Variants in REXO1 observed in about 807,000 individuals in gnomAD.
REXO1 encodes REX1, RNA exonuclease 1 homolog.
In REXO1, 42 loss-of-function variants were observed where a neutral mutation model predicts 102.6. That is an observed-to-expected ratio of 0.41 (90% CI 0.32 to 0.53). REXO1 has a LOEUF of 0.53. Among genes scored for constraint, REXO1 ranks in the 20% least tolerant of loss-of-function variants. The probability of loss-of-function intolerance (pLI) is 0.27; values close to 1 mark genes in which losing one functional copy is unlikely to be tolerated. For synonymous variants in REXO1, 908 were observed against 779.1 expected (o/e 1.17, Z -2.76); for missense variants, 1,819 against 1,732.5 (o/e 1.05, Z -0.89).
intron 1 of REXO1, among the ~76,000 whole-genome samples, chr19:1,833,499 C>A (rs547970525): frequency 3.1e-4 from 47 of 152,356 alleles, no homozygotes; most frequent in African/African-American, 1.1e-3. Flanking sequence ...GGGCACCCAA[C>A]TAGGATCAGC....
intron 1 of REXO1, among the ~76,000 whole-genome samples, chr19:1,841,611 C>G (rs2011284369): frequency 6.6e-6 from 1 of 152,214 alleles, no homozygotes; most frequent in Non-Finnish European, 1.5e-5. Flanking sequence ...AAGCAAGACG[C>G]CTTCATTCCG....
Position 1,828,102 on chromosome 19 carries a change from G to A in REXO1, c.687C>T (p.Pro229=), listed in dbSNP as rs1308632685. The change falls in exon 2 of 16, where the codon CCC becomes CCT. Residue 229 remains proline, a synonymous_variant. Transcript: ENST00000170168. ...AGAGAGGGTCATACTCCAGGTCTGT[G>A]GGTGGCCTGGAGTTGTCCACCACGT... is the stretch of plus-strand genomic sequence containing the variant. The part of the protein sequence containing the change: ...GKYVVDNSRP[P]TDLEYDPLSN... 1.9e-6 allele frequency: 3 copies of A among 1,613,062 alleles called. No homozygotes were observed. Among genetic ancestry groups the A allele is most frequent in the East Asian group, 2.2e-5 (1 of 44,860 alleles).
chr19:1,843,174 G>T (rs940646154), intron 1 of REXO1, among the ~76,000 whole-genome samples: 1 of 146,206 alleles, frequency 6.8e-6, no homozygotes, highest in South Asian at 2.2e-4. Flanking sequence ...GCCCAGAGCC[G>T]CAGCTGGGCG....
At chr19:1,823,986 C>A (rs1350928891) in intron 3 of REXO1, 3 of 395,484 alleles carry the variant, frequency 7.6e-6, no homozygotes, top group Non-Finnish European at 1.3e-5. Flanking sequence ...CAGGCTCCCC[C>A]ACTCCCAGTG....
rs764314511 is a variant in REXO1, at chr19:1,827,326, G to T, written c.1463C>A (p.Pro488Gln). 1.3e-6 allele frequency: 2 copies of T among 1,558,238 alleles called. No homozygotes were observed. The highest frequency in any genetic ancestry group is 1.1e-5 in the South Asian group (1 of 87,102). Reference sequence around the variant, plus strand: ...TTTCCGCTCCACTAGCTTCCCCGACGGGGCCTTGGTGCTCTTCCTGTCGGG... The same window carrying T: ...TTTCCGCTCCACTAGCTTCCCCGACTGGGCCTTGGTGCTCTTCCTGTCGGG... The part of the protein sequence containing the change: ...QLPDRKSTKA[P>Q]SGKLVERKAR... The change falls in exon 2 of 16, where the codon CCG (proline) becomes CAG (glutamine). Residue 488 changes from proline to glutamine, a missense_variant. Physicochemically the swap from Pro to Gln is moderately conservative, Grantham distance 76. Transcript: ENST00000170168.
chr19:1,817,537 C>T, intron 11 of REXO1, 170 bp downstream of exon 11: 1 of 1,464,578 alleles, frequency 6.8e-7, no homozygotes, highest in Non-Finnish European at 9.1e-7. Flanking sequence ...TGGCCAGGGA[C>T]AGGGCCTGGG....
At chr19:1,847,614 C>A (rs2011605628) in intron 1 of REXO1, among the ~76,000 whole-genome samples, 1 of 152,216 alleles carries the variant, frequency 6.6e-6, no homozygotes, top group African/African-American at 2.4e-5. Flanking sequence ...TCTGCCCGAC[C>A]AAAAGCATGG....
At chr19:1,820,829 C>T (rs2069512471) in intron 5 of REXO1, among the ~76,000 whole-genome samples, 1 of 151,334 alleles carries the variant, frequency 6.6e-6, no homozygotes, top group Admixed American at 6.6e-5. Context: ...CCTGTCTCTA[C>T]AAAATAAAAA....
intron 1 of REXO1, among the ~76,000 whole-genome samples, chr19:1,838,331 A>C (rs2070100940): frequency 6.6e-6 from 1 of 151,746 alleles, no homozygotes; most frequent in Non-Finnish European, 1.5e-5. Flanking sequence ...AAAAAAAAAA[A>C]AAACCAGCTG....
At position 1,839,255 on chromosome 19, in the gene REXO1, C is replaced by CA. The variant is rs56278521; in HGVS notation, c.157+8946dup. 2.0e-3 allele frequency among the ~76,000 whole-genome samples: 271 copies of CA among 133,390 alleles called. 8 individuals carry two copies. Among genetic ancestry groups the CA allele is most frequent in the Admixed American group, 3.3e-3 (45 of 13,536 alleles). 87.5% of individuals were successfully genotyped at this position (133,390 alleles called of 152,430 possible). On this transcript the variant is annotated intron_variant, in intron 1 of 15. Coordinates refer to ENST00000170168, the MANE Select transcript of REXO1 (RefSeq NM_020695.4). Reference sequence around the variant, plus strand: ...GGGCGACAGAGCGAGACTCTATCTCCAAAAAAAAAAAAAAAGAGTCCAGCT... The same window carrying CA: ...GGGCGACAGAGCGAGACTCTATCTCCAAAAAAAAAAAAAAAAGAGTCCAGCT...
intron 7 of REXO1, among the ~76,000 whole-genome samples, 186 bp from the exon 8 acceptor site, chr19:1,819,317 G>A (rs1041241173): frequency 3.9e-5 from 6 of 151,934 alleles, no homozygotes; most frequent in African/African-American, 1.5e-4. Flanking sequence ...CGGTGAGCCA[G>A]GGACGCAGGG....
At position 1,825,928 on chromosome 19, in the gene REXO1, T is replaced by C. The variant is rs2069705359; in HGVS notation, c.1927A>G (p.Lys643Glu). 6.2e-7 allele frequency: 1 copy of C among 1,605,258 alleles called. No individual in the cohort carries two copies. The highest frequency in any genetic ancestry group is 8.5e-7 in the Non-Finnish European group (1 of 1,172,562). The change falls in exon 3 of 16, where the codon AAG (lysine) becomes GAG (glutamate). Residue 643 changes from lysine (K) to glutamate (E), a missense_variant. Physicochemically the swap from Lys to Glu is moderately conservative, Grantham distance 56 (BLOSUM62 1). Coordinates refer to ENST00000170168, the MANE Select transcript of REXO1 (RefSeq NM_020695.4). ...CCCGAAAGCCCCTTCTCCTCACTCT[T>C]CTCTTCCTTGGGGGGCTAAGACACA... ...RLARQPPKEE[K>E]SEEKGLSGLT...
At chr19:1,847,429 AGGGACAGAGGTAACAG>A (rs2011595049) in intron 1 of REXO1, among the ~76,000 whole-genome samples, 1 of 152,066 alleles carries the variant, frequency 6.6e-6, no homozygotes, top group African/African-American at 2.4e-5. Flanking sequence ...GCCACTATCA[AGGGACAGAGGTAACAG>A]GGGAGTCTGA....
rs1189090858 is a variant in REXO1, at chr19:1,828,117, G to A, written c.672C>T (p.Asp224=). The A allele has an allele frequency of 6.2e-7, 1 of 1,612,768 alleles. No homozygotes were observed. The highest frequency in any genetic ancestry group is 8.5e-7 in the Non-Finnish European group (1 of 1,179,846). The part of the protein sequence containing the change: ...RPVPSGKYVV[D]NSRPPTDLEY... Reference sequence around the variant, plus strand: ...CCAGGTCTGTGGGTGGCCTGGAGTTGTCCACCACGTACTTGCCACTGGGAA... The same window carrying A: ...CCAGGTCTGTGGGTGGCCTGGAGTTATCCACCACGTACTTGCCACTGGGAA... Residue 224 remains aspartate, a synonymous_variant, in exon 2 of 16, where the codon GAC becomes GAT. Transcript: ENST00000170168.
intron 1 of REXO1, among the ~76,000 whole-genome samples, chr19:1,828,988 A>G (rs1436345950): frequency 6.6e-6 from 1 of 152,228 alleles, no homozygotes. Context: ...GCGGGTGTGG[A>G]GCTCCCAGCA....
intron 1 of REXO1, among the ~76,000 whole-genome samples, chr19:1,841,022 C>T (rs528582658): frequency 6.6e-6 from 1 of 152,354 alleles, no homozygotes; most frequent in Non-Finnish European, 1.5e-5. Context: ...GCTCCGTCCT[C>T]GCAGCCGTTC....
At chr19:1,817,494 GAC>G (rs1043304869) in intron 11 of REXO1, 165 bp from the exon 12 acceptor site, 2 of 1,469,046 alleles carry the variant, frequency 1.4e-6, no homozygotes, top group South Asian at 1.4e-5. Context: ...TTGCCAAGAA[GAC>G]ACAGGGAGGA....
At chr19:1,836,045 A>AG (rs993079550) in intron 1 of REXO1, among the ~76,000 whole-genome samples, 1 of 152,226 alleles carries the variant, frequency 6.6e-6, no homozygotes, top group Non-Finnish European at 1.5e-5. Flanking sequence ...GCCTGGGACC[A>AG]GCACTATCTG....
rs2069913184 is a variant in REXO1, at chr19:1,831,861, AAAAAAAG to A, written c.158-3237_158-3231del. Among the ~76,000 whole-genome samples, 2 of 56,404 alleles carry A rather than the reference AAAAAAAG, an allele frequency of 3.5e-5. 1 individual carries two copies. The highest frequency in any genetic ancestry group is 1.3e-4 in the Non-Finnish European group (2 of 14,906). 37.0% of individuals were successfully genotyped at this position (56,404 alleles called of 152,430 possible). A position where few individuals can be genotyped will look rare whatever the true frequency, so the allele number is the denominator to read the frequency against. ...ACTCCATCTCAAAAAAAAAAAAAAAAAAAAAAGAAAGAAAAAGAAAAAGAAAAAAAGA... is the reference window on the plus strand; with the variant it reads ...ACTCCATCTCAAAAAAAAAAAAAAAAAAAGAAAAAGAAAAAGAAAAAAAGA... On this transcript the variant is annotated intron_variant, in intron 1 of 15. Coordinates refer to ENST00000170168, the MANE Select transcript of REXO1 (RefSeq NM_020695.4).
Sources: allele counts gnomAD v4.1 joint callset (sites outside exome capture counted in the v4.1 genomes callset), GRCh38; gene constraint gnomAD v4.1.1; transcripts MANE v1.5; gene names NCBI Gene and HGNC (gene_info 2026-07-23, HGNC 2026-07-21).